The following TEX14 variants were observed in gnomAD, a reference collection of about 807,000 sequenced individuals.
TEX14 encodes inactive serine/threonine-protein kinase TEX14.
Under a neutral mutation model 178.6 loss-of-function variants are expected in TEX14, and 168 were observed. That is an observed-to-expected ratio of 0.94 (90% CI 0.83 to 1.07). The LOEUF (loss-of-function observed/expected upper bound fraction) is 1.07, where lower values mean the gene tolerates loss of function less well. TEX14 is among the 50% of genes least tolerant of loss of function. TEX14 has a pLI of 0.00. For synonymous variants in TEX14, 626 were observed against 634.1 expected, an observed-to-expected ratio of 0.99 and a Z score of 0.19; for missense variants, 1,730 against 1,753.6, an observed-to-expected ratio of 0.99 and a Z score of 0.24.
intron 1 of TEX14, among the ~76,000 whole-genome samples, chr17:58,676,356 A>G (rs1012375736): frequency 6.6e-6 from 1 of 151,928 alleles, no homozygotes; most frequent in Non-Finnish European, 1.5e-5. Context: ...AGCTTGGGCA[A>G]CAAGAGAGAA....
intron 1 of TEX14, among the ~76,000 whole-genome samples, chr17:58,673,720 C>A (rs1019742000): frequency 6.6e-6 from 1 of 151,778 alleles, no homozygotes; most frequent in Non-Finnish European, 1.5e-5. Flanking sequence ...CACCACCATG[C>A]CCAGCTAATT....
intron 15 of TEX14, among the ~76,000 whole-genome samples, chr17:58,590,534 T>TTTGTTG (rs76273680): frequency 0.04 from 5,944 of 149,398 alleles, 163 homozygotes; most frequent in Non-Finnish European, 0.051. Context: ...TCCAACTATT[T>TTTGTTG]TTGTTGTTGT....
At chr17:58,581,742 G>A (rs200381213) in intron 19 of TEX14, 3 of 1,605,962 alleles carry the variant, frequency 1.9e-6, no homozygotes, top group East Asian at 4.5e-5. Context: ...TATTAATAAT[G>A]TAGGAAATCA....
chr17:58,689,207 G>A (rs1011901914), intron 1 of TEX14, among the ~76,000 whole-genome samples: 9 of 150,442 alleles, frequency 6.0e-5, no homozygotes, highest in South Asian at 2.1e-4. Flanking sequence ...TGAAACAGGC[G>A]TGAGACATCA....
chr17:58,564,763 A>G, intron 28 of TEX14, 106 bp downstream of exon 28: 1 of 638,868 alleles, frequency 1.6e-6, no homozygotes, highest in Non-Finnish European at 2.5e-6. Flanking sequence ...ATAGTATGAA[A>G]AAAGACCCCA....
intron 1 of TEX14, among the ~76,000 whole-genome samples, chr17:58,663,422 CAA>C (rs764235419): frequency 1.4e-4 from 8 of 57,810 alleles, no homozygotes; most frequent in Non-Finnish European, 1.8e-4. Flanking sequence ...AACTCCGTCT[CAA>C]AAAAAAAAAA....
intron 2 of TEX14, among the ~76,000 whole-genome samples, chr17:58,649,037 A>G (rs557976083): frequency 0.011 from 1,633 of 150,212 alleles, 16 homozygotes; most frequent in Non-Finnish European, 0.018. Context: ...TCGGTCTCCC[A>G]AAGTGCTGGG....
intron 1 of TEX14, among the ~76,000 whole-genome samples, chr17:58,678,851 AAT>A (rs2047439500): frequency 4.0e-5 from 6 of 148,700 alleles, no homozygotes; most frequent in African/African-American, 1.5e-4. Context: ...TAATAATAAT[AAT>A]AAAAGAGAAG....
intron 8 of TEX14, among the ~76,000 whole-genome samples, chr17:58,614,002 G>A (rs2045811571): frequency 6.6e-6 from 1 of 152,122 alleles, no homozygotes; most frequent in South Asian, 2.1e-4. Flanking sequence ...AACAGGATGA[G>A]GTGTTGGTGA....
At chr17:58,660,989 T>C (rs377532915) in intron 1 of TEX14, 54 of 1,172,774 alleles carry the variant, frequency 4.6e-5, no homozygotes, top group South Asian at 2.1e-4. Context: ...TAAGCTGATA[T>C]CAATCCACCT....
At position 58,613,515 on chromosome 17, in the gene TEX14, A is replaced by C; in HGVS notation, c.911T>G (p.Leu304Trp). Residue 304 changes from leucine to tryptophan, a missense_variant, in exon 9 of 32, where the codon TTG becomes TGG. Coordinates refer to ENST00000349033, the MANE Select transcript of TEX14 (RefSeq NM_031272.5). ...GTCCTGGGAGAGACACACAGCCATC[A>C]ACTGTAGCAAGTAGGGGTGCCGCAG... ...SKLRHPYLLQLMAVCLSQDLE... is the reference protein window; with the variant it reads ...SKLRHPYLLQWMAVCLSQDLE... 1 of 1,614,196 alleles carries C rather than the reference A, an allele frequency of 6.2e-7. No homozygotes were observed. The highest frequency in any genetic ancestry group is 8.5e-7 in the Non-Finnish European group (1 of 1,180,010).
chr17:58,591,878 T>C (rs916602170), intron 15 of TEX14, among the ~76,000 whole-genome samples: 1 of 151,812 alleles, frequency 6.6e-6, no homozygotes, highest in Admixed American at 6.6e-5. Context: ...GCCAACATGG[T>C]GAAACCCCAT....
Position 58,573,299 on chromosome 17 carries a change from C to T in TEX14, c.3393G>A (p.Thr1131=), listed in dbSNP as rs55768547. 2,923 of 1,613,184 alleles carry T rather than the reference C, an allele frequency of 1.8e-3. 7 individuals are homozygous for T. The highest frequency in any genetic ancestry group is 5.0e-3 in the Middle Eastern group (30 of 6,054). ...KELKEKDISL[T]DIQDLSSISY... is the part of the protein sequence containing the mutation. Reference sequence around the variant, plus strand: ...AGATACTAGACAGGTCTTGAATATCCGTCAATGATCTAAAGAATTAAGAGC... The same window carrying T: ...AGATACTAGACAGGTCTTGAATATCTGTCAATGATCTAAAGAATTAAGAGC... The change falls in exon 23 of 32, where the codon ACG becomes ACA. Residue 1131 remains threonine (T), a synonymous_variant. Transcript: ENST00000349033.
chr17:58,687,943 T>A (rs990681354), intron 1 of TEX14, among the ~76,000 whole-genome samples: 20 of 152,214 alleles, frequency 1.3e-4, no homozygotes, highest in Non-Finnish European at 2.1e-4. Flanking sequence ...TTGTTTACCC[T>A]GTCATCTGGC....
intron 7 of TEX14, 53 bp from the exon 8 acceptor site, chr17:58,615,398 C>T: frequency 9.3e-7 from 1 of 1,075,554 alleles, no homozygotes; most frequent in Non-Finnish European, 1.4e-6. Flanking sequence ...CCACTTACTC[C>T]TTCAATGAAT....
chr17:58,586,984 G>T (rs866858476), intron 17 of TEX14, among the ~76,000 whole-genome samples: 10 of 152,160 alleles, frequency 6.6e-5, no homozygotes, highest in African/African-American at 2.4e-4. Context: ...GAGTTGCCAG[G>T]ATAGGTTCCA....
At chr17:58,563,658 T>TATATATATAG (rs1351647352) in intron 28 of TEX14, among the ~76,000 whole-genome samples, 11 of 17,480 alleles carry the variant, frequency 6.3e-4, no homozygotes, top group South Asian at 2.8e-3. Context: ...TATATATATA[T>TATATATATAG]AGAGAGAGAG....
chr17:58,655,131 G>A (rs567384858), intron 1 of TEX14, among the ~76,000 whole-genome samples: 12 of 145,446 alleles, frequency 8.3e-5, no homozygotes, highest in East Asian at 2.3e-4. Flanking sequence ...TCCTGCCTCC[G>A]CTTCCTGGGT....
intron 1 of TEX14, among the ~76,000 whole-genome samples, chr17:58,658,998 T>C (rs2143334317): frequency 6.6e-6 from 1 of 152,264 alleles, no homozygotes; most frequent in South Asian, 2.1e-4. Flanking sequence ...TATAAAATAC[T>C]TAGCGAGCAT....
Sources: allele counts gnomAD v4.1 joint callset (sites outside exome capture counted in the v4.1 genomes callset), GRCh38; gene constraint gnomAD v4.1.1; transcripts MANE v1.5; gene names NCBI Gene and HGNC (gene_info 2026-07-23, HGNC 2026-07-21).